The following CCDC171 variants were observed in gnomAD, a reference collection of about 807,000 sequenced individuals.
CCDC171 encodes the protein coiled-coil domain-containing protein 171.
In CCDC171, 177 loss-of-function variants were observed where a neutral mutation model predicts 168.2. That is an observed-to-expected ratio of 1.05 (90% confidence interval 0.93 to 1.19). CCDC171 has a LOEUF of 1.19. Ranked by LOEUF, CCDC171 falls within the 50% of genes most tolerant of loss-of-function variation. The pLI is 0.00. For missense variants in CCDC171, 1,991 were observed against 1,539.0 expected (o/e 1.29, Z -4.91); for synonymous variants, 687 against 540.8 (o/e 1.27, Z -3.75).
At chr9:15,555,268 C>T (rs1324091619) in intron 1 of CCDC171, among the ~76,000 whole-genome samples, 1 of 152,116 alleles carries the variant, frequency 6.6e-6, no homozygotes, top group African/African-American at 2.4e-5. Context: ...TTCAACTCCA[C>T]TATCAAAAAA....
At position 15,777,667 on chromosome 9, in the gene CCDC171, G is replaced by A; in HGVS notation, c.2739G>A (p.Met913Ile). The change falls in exon 19 of 26, where the codon ATG (methionine) becomes ATA (isoleucine). Residue 913 changes from methionine to isoleucine, a missense_variant. Transcript: ENST00000380701. ...CCAAGAATTCTTTTGCAAAACTCAT[G>A]GATAAAATTAGTCTGGTAATGGAAT... The part of the protein sequence containing the change: ...GAAKNSFAKL[M>I]DKISLVMECI... 1 of 1,613,946 alleles carries A rather than the reference G, an allele frequency of 6.2e-7. No individual in the cohort carries two copies. The highest frequency in any genetic ancestry group is 8.5e-7 in the Non-Finnish European group (1 of 1,179,956).
intron 24 of CCDC171, among the ~76,000 whole-genome samples, chr9:15,903,693 T>G (rs185095947): frequency 4.1e-4 from 63 of 152,174 alleles, no homozygotes; most frequent in African/African-American, 1.5e-3. Flanking sequence ...CTTTGACAAG[T>G]TGAGAGAAGA....
At chr9:15,711,835 C>G (rs2052690806) in intron 11 of CCDC171, among the ~76,000 whole-genome samples, 1 of 152,184 alleles carries the variant, frequency 6.6e-6, no homozygotes, top group Admixed American at 6.5e-5. Flanking sequence ...CCTTCTTTTT[C>G]TATCTGGTCA....
At chr9:15,735,043 G>T (rs947566628) in intron 16 of CCDC171, among the ~76,000 whole-genome samples, 3 of 152,160 alleles carry the variant, frequency 2.0e-5, no homozygotes, top group Non-Finnish European at 2.9e-5. Flanking sequence ...GCTTTTATCT[G>T]AAAAAATGTA....
intron 21 of CCDC171, among the ~76,000 whole-genome samples, chr9:15,811,626 TTA>T (rs1182636601): frequency 6.6e-6 from 1 of 152,210 alleles, no homozygotes; most frequent in Non-Finnish European, 1.5e-5. Context: ...GGATTTAAAT[TTA>T]GTTACTGTTT....
rs573153363 is a variant in CCDC171, at chr9:15,767,980, C to T, written c.2672-9620C>T. ...GAACTCCTGAGCTTAGGCAGTGCAC[C>T]CACCTCGGTCTCCCAATGTGCTAGC... On this transcript the variant is annotated intron_variant, in intron 18 of 25. Coordinates refer to ENST00000380701, the MANE Select transcript of CCDC171 (RefSeq NM_173550.4). 8.7e-5 allele frequency among the ~76,000 whole-genome samples: 13 copies of T among 149,170 alleles called. No homozygotes were observed. In the South Asian group the frequency reaches 2.2e-3, roughly 25 times the overall value.
chr9:16,056,638 C>T (rs1445204451), intron 1 of CCDC171, among the ~76,000 whole-genome samples: 1 of 152,060 alleles, frequency 6.6e-6, no homozygotes, highest in Non-Finnish European at 1.5e-5. Flanking sequence ...CAGGGGTGCA[C>T]CACCACACCT....
At chr9:15,994,107 T>G (rs1832293450) in intron 3 of CCDC171, among the ~76,000 whole-genome samples, 1 of 152,174 alleles carries the variant, frequency 6.6e-6, no homozygotes. Flanking sequence ...GAAAGGATTA[T>G]AAAACATGCT....
At chr9:15,582,493 TG>T (rs1263297949) in intron 4 of CCDC171, among the ~76,000 whole-genome samples, 1 of 152,092 alleles carries the variant, frequency 6.6e-6, no homozygotes, top group Non-Finnish European at 1.5e-5. Flanking sequence ...ATGTTTATTG[TG>T]GCACTGTTCA....
intron 24 of CCDC171, among the ~76,000 whole-genome samples, chr9:15,909,401 TACACAC>T (rs57910855): frequency 1.2e-4 from 17 of 140,656 alleles, no homozygotes; most frequent in South Asian, 2.2e-4. Flanking sequence ...TACATGTGCG[TACACAC>T]ACACACACAC....
chr9:15,556,335 A>G (rs2038795297), intron 1 of CCDC171, among the ~76,000 whole-genome samples: 1 of 152,068 alleles, frequency 6.6e-6, no homozygotes, highest in South Asian at 2.1e-4. Flanking sequence ...ACAATGGTTG[A>G]ACTAGTTTAC....
the CCDC171 span, among the ~76,000 whole-genome samples, chr9:16,100,045 A>G: frequency 1.3e-5 from 2 of 152,068 alleles, no homozygotes; most frequent in Non-Finnish European, 2.9e-5. Flanking sequence ...TTTGCAAAAC[A>G]TCAGTGAATG....
chr9:16,076,348 T>C, the CCDC171 span, among the ~76,000 whole-genome samples: 2 of 152,208 alleles, frequency 1.3e-5, no homozygotes, highest in African/African-American at 2.4e-5. Context: ...GGTTCCACCA[T>C]GTATTTAGTC....
intron 6 of CCDC171, among the ~76,000 whole-genome samples, chr9:16,027,111 C>G (rs1833289811): frequency 6.6e-6 from 1 of 152,104 alleles, no homozygotes; most frequent in African/African-American, 2.4e-5. Flanking sequence ...ACAGATGTCC[C>G]GGAGTTGATT....
At chr9:15,558,860 G>T (rs895474073) in intron 1 of CCDC171, among the ~76,000 whole-genome samples, 5 of 152,044 alleles carry the variant, frequency 3.3e-5, no homozygotes, top group African/African-American at 4.8e-5. Flanking sequence ...GCTTTCTCTT[G>T]TGGGCATTTA....
At chr9:15,762,975 A>T (rs2056533738) in intron 18 of CCDC171, among the ~76,000 whole-genome samples, 1 of 152,200 alleles carries the variant, frequency 6.6e-6, no homozygotes, top group Non-Finnish European at 1.5e-5. Flanking sequence ...CCACAAATTC[A>T]GGGGTCCCCA....
chr9:15,734,756 G>C (rs1222935238), intron 16 of CCDC171, among the ~76,000 whole-genome samples: 4 of 152,078 alleles, frequency 2.6e-5, no homozygotes, highest in Admixed American at 1.3e-4. Context: ...ACCACCAAAA[G>C]TGCAATGCAA....
intron 1 of CCDC171, among the ~76,000 whole-genome samples, chr9:16,047,159 C>T (rs1341260492): frequency 6.6e-6 from 1 of 152,186 alleles, no homozygotes; most frequent in Admixed American, 6.5e-5. Context: ...AGCTCAGACC[C>T]TTTAGGGTGG....
chr9:15,761,460 T>A (rs1006031216), intron 18 of CCDC171, among the ~76,000 whole-genome samples: 1 of 152,120 alleles, frequency 6.6e-6, no homozygotes, highest in Non-Finnish European at 1.5e-5. Context: ...CTACTCCAAG[T>A]GTGGTCCATG....
Sources: allele counts gnomAD v4.1 joint callset (sites outside exome capture counted in the v4.1 genomes callset), GRCh38; gene constraint gnomAD v4.1.1; transcripts MANE v1.5; gene names NCBI Gene and HGNC (gene_info 2026-07-23, HGNC 2026-07-21).